FAM3C: variants seen among roughly 807,000 people sequenced by gnomAD.
FAM3C encodes the protein FAM3 metabolism regulating signaling molecule C.
FAM3C carries 15 observed loss-of-function variants against 32.5 expected under a neutral mutation model. The observed-to-expected ratio is 0.46, with a 90% CI of 0.31 to 0.71. FAM3C has a LOEUF of 0.71. Among genes scored for constraint, FAM3C ranks in the 30% least tolerant of loss-of-function variants. FAM3C has a pLI of 0.05. For synonymous variants in FAM3C, 75 were observed against 86.1 expected, an observed-to-expected ratio of 0.87 and a Z score of 0.72; for missense variants, 175 against 274.4, an observed-to-expected ratio of 0.64 and a Z score of 2.56.
In FAM3C at chr7:121,351,435, T is replaced by C. The variant is rs11768996; in HGVS notation, c.468-166A>G. On this transcript the variant is annotated intron_variant, in intron 8 of 9. Coordinates refer to ENST00000359943, the MANE Select transcript of FAM3C (RefSeq NM_014888.3). ...AGTTACATTTCTACTGGTTGAATTC[T>C]TTAGTGACAAAAGACATGAACTCCA... 0.17 allele frequency: 92,104 copies of C among 543,338 alleles called. 8,610 individuals carry two copies. The highest frequency in any genetic ancestry group is 0.19 in the South Asian group (4,006 of 20,638). The allele number at this position is 543,338 out of a possible 1,614,324, so 33.7% of individuals were successfully genotyped here.
Position 121,349,374 on chromosome 7 carries a change from C to CA in FAM3C, c.*1086dup, listed in dbSNP as rs1278841902. 6.6e-6 allele frequency: 1 copy of CA among 151,576 alleles called. No homozygotes were observed. Among genetic ancestry groups the CA allele is most frequent in the Non-Finnish European group, 1.5e-5 (1 of 67,860 alleles). The allele number at this position is 151,576 out of a possible 1,614,324, so 9.4% of individuals were successfully genotyped here. A position where few individuals can be genotyped will look rare whatever the true frequency, so the allele number is the denominator to read the frequency against. On this transcript the variant is annotated 3_prime_UTR_variant, in exon 10 of 10. Coordinates refer to ENST00000359943, the MANE Select transcript of FAM3C (RefSeq NM_014888.3). Reference sequence around the variant, plus strand: ...TTATTTAGTGAACATCTGAAGGTAACAAAAAAAGATAGATCTTCTATATTT... The same window carrying CA: ...TTATTTAGTGAACATCTGAAGGTAACAAAAAAAAGATAGATCTTCTATATTT...
At chr7:121,385,272 A>C (rs1794443897) in intron 1 of FAM3C, among the ~76,000 whole-genome samples, 1 of 152,202 alleles carries the variant, frequency 6.6e-6, no homozygotes, top group Non-Finnish European at 1.5e-5. Flanking sequence ...AAAAAACCCC[A>C]AAACTCAACT....
chr7:121,365,031 C>T (rs940416809), intron 5 of FAM3C, among the ~76,000 whole-genome samples: 1 of 152,140 alleles, frequency 6.6e-6, no homozygotes, highest in Non-Finnish European at 1.5e-5. Context: ...ACTACACGTG[C>T]ACACACTTGT....
intron 7 of FAM3C, among the ~76,000 whole-genome samples, chr7:121,361,035 A>G (rs1405285685): frequency 6.6e-6 from 1 of 152,214 alleles, no homozygotes; most frequent in East Asian, 1.9e-4. Flanking sequence ...GAGAAGGAAT[A>G]TGTTAGGTGA....
Position 121,362,779 on chromosome 7 carries a change from G to A in FAM3C, c.382+118C>T, listed in dbSNP as rs185443617. On this transcript the variant is annotated intron_variant, in intron 7 of 9. Coordinates refer to ENST00000359943, the MANE Select transcript of FAM3C (RefSeq NM_014888.3). ...TGGACATTTAGTGAACAGAAAGTAAGGGAAACAAAATGAACTAACGCAAAT... is the reference window on the plus strand; with the variant it reads ...TGGACATTTAGTGAACAGAAAGTAAAGGAAACAAAATGAACTAACGCAAAT... 8 of 671,158 alleles carry A rather than the reference G, an allele frequency of 1.2e-5. No homozygotes were observed. The Admixed American group carries it at 2.0e-4, about 17-fold the overall frequency. 41.6% of individuals were successfully genotyped at this position (671,158 alleles called of 1,614,324 possible). A position where few individuals can be genotyped will look rare whatever the true frequency, so the allele number is the denominator to read the frequency against.
intron 5 of FAM3C, among the ~76,000 whole-genome samples, chr7:121,368,891 C>G (rs1794081096): frequency 6.6e-6 from 1 of 151,856 alleles, no homozygotes; most frequent in African/African-American, 2.4e-5. Flanking sequence ...TTTCCATCCA[C>G]TCTCGCCAGT....
At chr7:121,365,049 T>C (rs1157556521) in intron 5 of FAM3C, among the ~76,000 whole-genome samples, 2 of 152,140 alleles carry the variant, frequency 1.3e-5, no homozygotes, top group Non-Finnish European at 2.9e-5. Flanking sequence ...TGTCCTTATA[T>C]AGACAGAATT....
intron 8 of FAM3C, among the ~76,000 whole-genome samples, chr7:121,359,466 T>C (rs1296257669): frequency 2.0e-5 from 3 of 152,074 alleles, no homozygotes; most frequent in African/African-American, 7.2e-5. Flanking sequence ...CCAAAAAATG[T>C]GTCTTAAGTC....
intron 2 of FAM3C, among the ~76,000 whole-genome samples, chr7:121,382,524 T>C (rs1233860628): frequency 1.3e-5 from 2 of 150,664 alleles, no homozygotes; most frequent in Non-Finnish European, 2.9e-5. Context: ...CCATTCTTTA[T>C]ATGGGCATTA....
At position 121,378,296 on chromosome 7, in the gene FAM3C, T is replaced by C. The variant is rs373910710; in HGVS notation, c.118+614A>G. Among the ~76,000 whole-genome samples, 11 of 151,484 alleles carry C rather than the reference T, an allele frequency of 7.3e-5. No homozygotes were observed. The East Asian group carries it at 9.7e-4, about 13-fold the overall frequency. ...AAAAAAAAATGCCACAGAGGGAAAA[T>C]AAGGATAAGAAAGCACCATGGATTT... On this transcript the variant is annotated intron_variant, in intron 3 of 9. Coordinates refer to ENST00000359943, the MANE Select transcript of FAM3C (RefSeq NM_014888.3).
intron 5 of FAM3C, among the ~76,000 whole-genome samples, chr7:121,370,723 GAT>G (rs1392499647): frequency 6.6e-6 from 1 of 152,144 alleles, no homozygotes; most frequent in Non-Finnish European, 1.5e-5. Flanking sequence ...GTTATCACTG[GAT>G]CATTTCACAC....
intron 8 of FAM3C, among the ~76,000 whole-genome samples, chr7:121,358,988 A>G (rs1793870179): frequency 6.6e-6 from 1 of 151,998 alleles, no homozygotes; most frequent in African/African-American, 2.4e-5. Flanking sequence ...GCAAAAGAAA[A>G]AAAAACCACT....
intron 5 of FAM3C, among the ~76,000 whole-genome samples, chr7:121,369,794 A>G (rs1195476840): frequency 1.3e-5 from 2 of 152,214 alleles, no homozygotes; most frequent in African/African-American, 4.8e-5. Context: ...ACCATCCTAG[A>G]CAGAAGAGTA....
At chr7:121,360,829 T>C (rs1056719452) in intron 7 of FAM3C, among the ~76,000 whole-genome samples, 3 of 152,008 alleles carry the variant, frequency 2.0e-5, no homozygotes, top group Admixed American at 6.6e-5. Flanking sequence ...AGCAAGACCC[T>C]GTCTCAAAAA....
chr7:121,384,062 T>C (rs1036787709), intron 1 of FAM3C, among the ~76,000 whole-genome samples: 6 of 152,132 alleles, frequency 3.9e-5, no homozygotes, highest in African/African-American at 1.4e-4. Context: ...TTTTATTCAC[T>C]GGACTAGGCA....
intron 2 of FAM3C, among the ~76,000 whole-genome samples, chr7:121,382,017 G>C (rs186728411): frequency 6.8e-4 from 103 of 152,208 alleles, no homozygotes; most frequent in Non-Finnish European, 6.5e-4. Flanking sequence ...TTGCTGCTGA[G>C]ATGACAATTA....
chr7:121,375,700 A>G (rs1794227096), intron 3 of FAM3C, among the ~76,000 whole-genome samples: 1 of 152,142 alleles, frequency 6.6e-6, no homozygotes, highest in South Asian at 2.1e-4. Context: ...GTGCACAGTG[A>G]CTATACCACA....
intron 8 of FAM3C, among the ~76,000 whole-genome samples, chr7:121,353,197 C>T (rs183810758): frequency 3.0e-4 from 45 of 152,298 alleles, no homozygotes; most frequent in Middle Eastern, 3.4e-3. Context: ...AAACGCAGGT[C>T]CAGCTCCCTG....
intron 8 of FAM3C, among the ~76,000 whole-genome samples, chr7:121,358,947 C>T (rs978769011): frequency 1.3e-4 from 20 of 151,098 alleles, no homozygotes; most frequent in Admixed American, 8.6e-4. Flanking sequence ...TAGGCCAACT[C>T]GAATGGTCAA....
Sources: allele counts gnomAD v4.1 joint callset (sites outside exome capture counted in the v4.1 genomes callset), GRCh38; gene constraint gnomAD v4.1.1; transcripts MANE v1.5; gene names NCBI Gene and HGNC (gene_info 2026-07-23, HGNC 2026-07-21).